Variants in PTPRU observed in about 807,000 individuals in gnomAD.
PTPRU encodes the protein protein tyrosine phosphatase receptor type U.
PTPRU carries 69 observed loss-of-function variants against 166.3 expected under a neutral mutation model. That is an observed-to-expected ratio of 0.41 (90% CI 0.34 to 0.51). PTPRU has a LOEUF of 0.51. PTPRU is among the 20% of genes least tolerant of loss of function. PTPRU has a pLI of 0.09. For synonymous variants in PTPRU, 793 were observed against 814.0 expected, an observed-to-expected ratio of 0.97 and a Z score of 0.44; for missense variants, 1,657 against 2,013.7, an observed-to-expected ratio of 0.82 and a Z score of 3.39.
At chr1:29,300,145 T>A (rs905282777) in intron 15 of PTPRU, among the ~76,000 whole-genome samples, 1 of 152,206 alleles carries the variant, frequency 6.6e-6, no homozygotes, top group Non-Finnish European at 1.5e-5. Context: ...CATGTGAGAA[T>A]GGAAGTTTGG....
At chr1:29,261,784 C>T (rs1445280661) in intron 7 of PTPRU, among the ~76,000 whole-genome samples, 11 of 152,192 alleles carry the variant, frequency 7.2e-5, no homozygotes, top group African/African-American at 1.7e-4. Flanking sequence ...CCACCCGCCT[C>T]GGCCTTCCAA....
intron 26 of PTPRU, among the ~76,000 whole-genome samples, 198 bp downstream of exon 26, chr1:29,321,023 T>C (rs1240233074): frequency 6.6e-6 from 1 of 152,182 alleles, no homozygotes; most frequent in Non-Finnish European, 1.5e-5. Context: ...CTAGTTGCTC[T>C]TTTTCTTTTC....
chr1:29,249,202 G>C (rs1024802557), intron 1 of PTPRU, among the ~76,000 whole-genome samples: 4 of 152,190 alleles, frequency 2.6e-5, no homozygotes, highest in Non-Finnish European at 4.4e-5. Flanking sequence ...ACGCACACCT[G>C]CATGTGGACA....
rs1687683103 is a variant in PTPRU at position 29,311,890 on chromosome 1, T to C, written c.3072+131T>C. The C allele has an allele frequency of 1.1e-6, 1 of 896,544 alleles. No individual in the cohort carries two copies. The highest frequency in any genetic ancestry group is 1.7e-5 in the African/African-American group (1 of 60,244). 55.5% of individuals were successfully genotyped at this position (896,544 alleles called of 1,614,324 possible). A position where few individuals can be genotyped will look rare whatever the true frequency, so the allele number is the denominator to read the frequency against. On this transcript the variant is annotated intron_variant, in intron 21 of 29. Coordinates refer to ENST00000373779, the MANE Select transcript of PTPRU (RefSeq NM_133178.4). This position sits in a 1 kb window ranked among gnomAD's most constrained non-coding sequence, Gnocchi z 4.1. Reference sequence around the variant, plus strand: ...CTGCCCATCCCAGCAAGGAAGCTACTTGGTCACTGTTGGCTGGGAGCACTC... The same window carrying C: ...CTGCCCATCCCAGCAAGGAAGCTACCTGGTCACTGTTGGCTGGGAGCACTC...
chr1:29,253,468 T>C (rs1378637562), intron 1 of PTPRU, among the ~76,000 whole-genome samples: 1 of 152,068 alleles, frequency 6.6e-6, no homozygotes, highest in African/African-American at 2.4e-5. Context: ...AGGACAGGAA[T>C]AGGTCAGAGA....
At chr1:29,323,552 T>G in intron 27 of PTPRU, 56 bp downstream of exon 27, 1 of 1,611,272 alleles carries the variant, frequency 6.2e-7, no homozygotes. Flanking sequence ...GGGGCAGCTT[T>G]TAATGACCCT....
intron 1 of PTPRU, among the ~76,000 whole-genome samples, chr1:29,240,648 G>T (rs1366397832): frequency 6.6e-6 from 1 of 152,158 alleles, no homozygotes; most frequent in Non-Finnish European, 1.5e-5. Context: ...CGGGCCTCCT[G>T]CCTGCCAGCC....
intron 22 of PTPRU, among the ~76,000 whole-genome samples, chr1:29,313,551 C>G (rs1377227621): frequency 6.6e-6 from 1 of 152,162 alleles, no homozygotes; most frequent in Non-Finnish European, 1.5e-5. Flanking sequence ...ACCAGCTCTA[C>G]TGAGATTAAG....
At chr1:29,249,123 C>A (rs945599576) in intron 1 of PTPRU, among the ~76,000 whole-genome samples, 4 of 152,148 alleles carry the variant, frequency 2.6e-5, no homozygotes, top group African/African-American at 9.7e-5. Context: ...CAGTACCAGG[C>A]TGTCCTGTCA....
At chr1:29,240,783 C>G (rs1169633084) in intron 1 of PTPRU, among the ~76,000 whole-genome samples, 1 of 140,528 alleles carries the variant, frequency 7.1e-6, no homozygotes, top group African/African-American at 2.7e-5. Context: ...GTGTGAGTGG[C>G]TGGGGAGGAG....
intron 1 of PTPRU, among the ~76,000 whole-genome samples, chr1:29,252,981 T>C (rs1422409520): frequency 2.0e-5 from 3 of 152,262 alleles, no homozygotes; most frequent in Non-Finnish European, 4.4e-5. Flanking sequence ...GTCGCAAGTC[T>C]GGGCCTCCAG....
Position 29,317,906 on chromosome 1 carries a change from T to C in PTPRU, c.3672T>C (p.Asn1224=), listed in dbSNP as rs1427473381. Residue 1224 remains asparagine, a synonymous_variant, in exon 25 of 30, where the codon AAT becomes AAC. Coordinates refer to ENST00000373779, the MANE Select transcript of PTPRU (RefSeq NM_133178.4). The surrounding 1 kb of genome is among the most constrained non-coding windows in gnomAD (Gnocchi z 5.6). ...ATGGGGACTCCAACAACTACATTAA[T>C]GCAGCCCTGACTGACGTGAGAGCTT... The part of the protein sequence containing the change: ...STDGDSNNYI[N]AALTDSYTRS... The C allele has an allele frequency of 6.2e-7, 1 of 1,613,932 alleles. No individual in the cohort carries two copies. Among genetic ancestry groups the C allele is most frequent in the Non-Finnish European group, 8.5e-7 (1 of 1,180,012 alleles).
At chr1:29,289,393 G>A (rs1462346197) in intron 14 of PTPRU, among the ~76,000 whole-genome samples, 2 of 152,162 alleles carry the variant, frequency 1.3e-5, no homozygotes, top group Admixed American at 1.3e-4. Context: ...GTGTGAGTGT[G>A]CATATGTGTA....
At chr1:29,297,520 G>C (rs1404360356) in intron 15 of PTPRU, among the ~76,000 whole-genome samples, 1 of 152,178 alleles carries the variant, frequency 6.6e-6, no homozygotes, top group Non-Finnish European at 1.5e-5. Flanking sequence ...GCTGCACCTC[G>C]AGGGATGGGT....
At chr1:29,312,950 G>A (rs780689584) in intron 22 of PTPRU, among the ~76,000 whole-genome samples, 10 of 152,292 alleles carry the variant, frequency 6.6e-5, no homozygotes, top group Admixed American at 4.6e-4. Context: ...AGGAGGCACT[G>A]GAGATAGGGA....
In PTPRU at chr1:29,307,078, C is replaced by T. The variant is rs541656244; in HGVS notation, c.2820+1650C>T. ...CCGTCCACCTCCATCTGCCCCTGGCCTAATATCTGTCTCTTTTGCTTTGTA... is the reference window on the plus strand; with the variant it reads ...CCGTCCACCTCCATCTGCCCCTGGCTTAATATCTGTCTCTTTTGCTTTGTA... On this transcript the variant is annotated intron_variant, in intron 18 of 29. Transcript: ENST00000373779. The T allele has an allele frequency of 1.2e-5, 19 of 1,602,004 alleles. No individual in the cohort carries two copies. In the African/African-American group the frequency reaches 2.4e-4, roughly 20 times the overall value.
At chr1:29,249,838 G>C (rs1684471669) in intron 1 of PTPRU, among the ~76,000 whole-genome samples, 1 of 152,132 alleles carries the variant, frequency 6.6e-6, no homozygotes, top group African/African-American at 2.4e-5. Context: ...TCTGAATCCA[G>C]GATGAGATAA....
Position 29,260,587 on chromosome 1 carries a change from G to T in PTPRU, c.851-23G>T, listed in dbSNP as rs748438870. On this transcript the variant is annotated intron_variant, in intron 6 of 29. Transcript: ENST00000373779. The surrounding 1 kb of genome is among the most constrained non-coding windows in gnomAD (Gnocchi z 8.3). ...TCTCACAGCAGCATCGGTCCGCCTC[G>T]CCTCTCCCCCATCTCCTCGCAGAGC... 4.1e-6 allele frequency: 6 copies of T among 1,475,642 alleles called. No homozygotes were observed. The East Asian group carries it at 1.5e-4, about 37-fold the overall frequency. 91.4% of individuals were successfully genotyped at this position (1,475,642 alleles called of 1,614,324 possible).
chr1:29,313,713 GT>G (rs1002713159), intron 22 of PTPRU, among the ~76,000 whole-genome samples: 6 of 152,104 alleles, frequency 3.9e-5, no homozygotes, highest in Non-Finnish European at 7.3e-5. Flanking sequence ...AAATTAGTGG[GT>G]TGTGGTGGCA....
Sources: gnomAD v4.1 joint callset for allele counts (sites outside exome capture counted in the v4.1 genomes callset) on GRCh38, gnomAD v4.1.1 for gene constraint, Gnocchi (gnomAD v3.1) non-coding constraint, MANE v1.5 for transcripts, NCBI Gene and HGNC (gene_info 2026-07-23, HGNC 2026-07-21) for gene names.